CYP2C8: variants seen among roughly 807,000 people sequenced by gnomAD.
CYP2C8 encodes cytochrome P450 family 2 subfamily C member 8.
Under a neutral mutation model 41.3 loss-of-function variants are expected in CYP2C8, and 51 were observed. The observed-to-expected ratio is 1.24, with a 90% CI of 0.99 to 1.56. CYP2C8 has a LOEUF of 1.56. CYP2C8 is among the 40% of genes most tolerant of loss of function. The pLI is 0.00. For missense variants in CYP2C8, 651 were observed against 579.9 expected, an observed-to-expected ratio of 1.12 and a Z score of -1.26; for synonymous variants, 218 against 205.8, an observed-to-expected ratio of 1.06 and a Z score of -0.51.
intron 4 of CYP2C8, among the ~76,000 whole-genome samples, chr10:95,063,062 A>G (rs773554880): frequency 2.0e-5 from 3 of 152,082 alleles, no homozygotes; most frequent in Non-Finnish European, 4.4e-5. Flanking sequence ...CTCAATGGCT[A>G]CCCTTAACAT....
At chr10:95,037,374 A>G (rs2032906816) in intron 8 of CYP2C8, 65 bp from the exon 9 acceptor site, 4 of 1,431,990 alleles carry the variant, frequency 2.8e-6, no homozygotes, top group Non-Finnish European at 3.9e-6. Context: ...ACAAACAGTC[A>G]TTTGTGACTT....
chr10:95,057,200 T>C (rs2033331422), intron 5 of CYP2C8, among the ~76,000 whole-genome samples: 1 of 152,120 alleles, frequency 6.6e-6, no homozygotes, highest in South Asian at 2.1e-4. Flanking sequence ...GCTGCTTTCA[T>C]CCTGGCCCTG....
At chr10:95,067,126 C>G in intron 3 of CYP2C8, 82 bp downstream of exon 3, 1 of 1,595,460 alleles carries the variant, frequency 6.3e-7, no homozygotes. Context: ...GAAGACCTGG[C>G]CACCCCTGAA....
At chr10:95,065,134 G>T (rs192402305) in intron 3 of CYP2C8, among the ~76,000 whole-genome samples, 174 bp from the exon 4 acceptor site, 1 of 152,260 alleles carries the variant, frequency 6.6e-6, no homozygotes, top group Admixed American at 6.5e-5. Flanking sequence ...CCTTAAATAT[G>T]AGTTGAGCAT....
intron 5 of CYP2C8, among the ~76,000 whole-genome samples, chr10:95,048,588 G>T (rs1304507606): frequency 1.3e-5 from 2 of 152,202 alleles, no homozygotes; most frequent in Non-Finnish European, 2.9e-5. Flanking sequence ...GGTGATGTGG[G>T]TATGGTGTTA....
intron 5 of CYP2C8, among the ~76,000 whole-genome samples, chr10:95,048,199 C>A (rs1258958483): frequency 6.6e-6 from 1 of 152,204 alleles, no homozygotes; most frequent in Non-Finnish European, 1.5e-5. Flanking sequence ...CTTTAACAGT[C>A]CATTTGGCTT....
Position 95,067,515 on chromosome 10 carries a change from A to C in CYP2C8, c.331+14T>G. On this transcript the variant is annotated intron_variant, in intron 2 of 8. Coordinates refer to ENST00000371270, the MANE Select transcript of CYP2C8 (RefSeq NM_000770.3). ...CCCAGTTACCAAAGCTGACACAGAA[A>C]TATGTGCACCTACCAAGTCCTTTAG... 1.2e-6 allele frequency: 2 copies of C among 1,614,146 alleles called. No individual in the cohort carries two copies. Among genetic ancestry groups the C allele is most frequent in the African/African-American group, 1.3e-5 (1 of 75,044 alleles).
rs1288085257 is a variant in CYP2C8, at chr10:95,069,346, G to T, written c.57C>A (p.Leu19=). ...LCLSFMLLFS[L]WRQSCRRRKL... Reference sequence around the variant, plus strand: ...TCCTTCTCCTACAGCTCTGTCTCCAGAGTGAAAAGAGAAGCATAAAAGAGA... The same window carrying T: ...TCCTTCTCCTACAGCTCTGTCTCCATAGTGAAAAGAGAAGCATAAAAGAGA... The change falls in exon 1 of 9, where the codon CTC becomes CTA. Residue 19 remains leucine (L), a synonymous_variant. Coordinates refer to ENST00000371270, the MANE Select transcript of CYP2C8 (RefSeq NM_000770.3). 3.1e-6 allele frequency: 5 copies of T among 1,613,998 alleles called. No homozygotes were observed. Among genetic ancestry groups the T allele is most frequent in the Non-Finnish European group, 4.2e-6 (5 of 1,180,038 alleles).
intron 8 of CYP2C8, among the ~76,000 whole-genome samples, chr10:95,038,364 C>T (rs902599338): frequency 6.6e-6 from 1 of 152,192 alleles, no homozygotes; most frequent in Non-Finnish European, 1.5e-5. Flanking sequence ...CAGAGTCCCC[C>T]TCTAGCCGCT....
chr10:95,068,435 T>C (rs2033614645), intron 1 of CYP2C8: 1 of 418,128 alleles, frequency 2.4e-6, no homozygotes, highest in Non-Finnish European at 4.3e-6. Flanking sequence ...TACTTCTTTC[T>C]TTCATGCACT....
chr10:95,037,983 G>A (rs527924631), intron 8 of CYP2C8, among the ~76,000 whole-genome samples: 5 of 152,198 alleles, frequency 3.3e-5, no homozygotes, highest in South Asian at 2.1e-4. Flanking sequence ...ACCAGGAATC[G>A]TAATTCTGTA....
chr10:95,067,003 C>A (rs1382160176), intron 3 of CYP2C8, among the ~76,000 whole-genome samples: 1 of 152,164 alleles, frequency 6.6e-6, no homozygotes, highest in East Asian at 1.9e-4. Context: ...TATTCCTACA[C>A]CCTATGAACC....
At chr10:95,042,557 A>T (rs1242375051) in intron 7 of CYP2C8, among the ~76,000 whole-genome samples, 5 of 152,352 alleles carry the variant, frequency 3.3e-5, no homozygotes, top group South Asian at 2.1e-4. Context: ...TTCATGAATT[A>T]AAAAATTCAA....
intron 6 of CYP2C8, among the ~76,000 whole-genome samples, 167 bp downstream of exon 6, chr10:95,045,643 T>C (rs2033093037): frequency 6.6e-6 from 1 of 152,244 alleles, no homozygotes; most frequent in Admixed American, 6.5e-5. Flanking sequence ...TCCTCCATTG[T>C]ACAAAGATGT....
At chr10:95,059,009 T>A (rs1356024374) in intron 4 of CYP2C8, among the ~76,000 whole-genome samples, 1 of 152,150 alleles carries the variant, frequency 6.6e-6, no homozygotes, top group Non-Finnish European at 1.5e-5. Context: ...TTCCATGGTG[T>A]CTATGTGCCA....
intron 4 of CYP2C8, among the ~76,000 whole-genome samples, chr10:95,064,281 A>C (rs1026051563): frequency 6.6e-6 from 1 of 152,104 alleles, no homozygotes; most frequent in Non-Finnish European, 1.5e-5. Context: ...CTCCACCCAG[A>C]TCGAGCTTCC....
chr10:95,036,945 A>G lies in CYP2C8; in HGVS notation c.*183T>C, dbSNP rs1429117175. 1 of 663,088 alleles carries G rather than the reference A, an allele frequency of 1.5e-6. No individual in the cohort carries two copies. The highest frequency in any genetic ancestry group is 1.8e-5 in the African/African-American group (1 of 55,684). The allele number at this position is 663,088 out of a possible 1,614,324, so 41.1% of individuals were successfully genotyped here. ...ATACAAGTGTTACAGAGTATGAATA[A>G]TTGCAGATATATTTGTGCAGTGACC... On this transcript the variant is annotated 3_prime_UTR_variant, in exon 9 of 9. Coordinates refer to ENST00000371270, the MANE Select transcript of CYP2C8 (RefSeq NM_000770.3).
intron 5 of CYP2C8, among the ~76,000 whole-genome samples, chr10:95,050,068 G>C (rs1029960662): frequency 1.3e-5 from 2 of 151,978 alleles, no homozygotes; most frequent in African/African-American, 4.8e-5. Flanking sequence ...GATCACAGGA[G>C]GGTAGAGCAC....
chr10:95,058,220 C>T (rs1332547366), intron 5 of CYP2C8, 115 bp downstream of exon 5: 12 of 1,458,962 alleles, frequency 8.2e-6, no homozygotes, highest in Admixed American at 5.6e-5. Flanking sequence ...AATTAAGATG[C>T]TTGTCAAGCA....
Sources: gnomAD v4.1 joint callset for allele counts (sites outside exome capture counted in the v4.1 genomes callset) on GRCh38, gnomAD v4.1.1 for gene constraint, MANE v1.5 for transcripts, NCBI Gene and HGNC (gene_info 2026-07-23, HGNC 2026-07-21) for gene names.